Variants in PRICKLE1 observed in about 807,000 individuals in gnomAD.
The protein encoded by PRICKLE1 is prickle-like protein 1.
Under a neutral mutation model 70.2 loss-of-function variants are expected in PRICKLE1, and 14 were observed. That is an observed-to-expected ratio of 0.20 (90% CI 0.13 to 0.31). PRICKLE1 has a LOEUF of 0.31. Ranked by LOEUF, PRICKLE1 falls within the 10% of genes least tolerant of loss-of-function variation. PRICKLE1 has a pLI of 1.00. For missense variants in PRICKLE1, 821 were observed against 1,026.2 expected, an observed-to-expected ratio of 0.80 and a Z score of 2.73; for synonymous variants, 357 against 379.9, an observed-to-expected ratio of 0.94 and a Z score of 0.70.
At chr12:42,588,112 G>A (rs1377360578) in intron 1 of PRICKLE1, among the ~76,000 whole-genome samples, 1 of 152,142 alleles carries the variant, frequency 6.6e-6, no homozygotes, top group East Asian at 1.9e-4. Flanking sequence ...AGTGGGAAAG[G>A]GCCAGTTGTC....
intron 1 of PRICKLE1, among the ~76,000 whole-genome samples, chr12:42,545,350 G>GA (rs1940189358): frequency 6.6e-6 from 1 of 152,070 alleles, no homozygotes; most frequent in Non-Finnish European, 1.5e-5. Context: ...AGTAGGCACT[G>GA]AAAAAAACTT....
At chr12:42,564,353 T>C (rs1466614921) in intron 1 of PRICKLE1, among the ~76,000 whole-genome samples, 4 of 151,190 alleles carry the variant, frequency 2.6e-5, no homozygotes, top group Non-Finnish European at 4.4e-5. Context: ...ACGCCTGTAA[T>C]ACCAGCACTT....
rs769694929 is a variant in PRICKLE1 at position 42,464,268 on chromosome 12, A to T, written c.1639+127T>A. ...ACTCCTGACCTCAAATGATCTGCCC[A>T]CCTCAGCCTCCCATAGTGCTGGAAT... On this transcript the variant is annotated intron_variant, in intron 7 of 7. Coordinates refer to ENST00000345127, the MANE Select transcript of PRICKLE1 (RefSeq NM_153026.3). The surrounding 1 kb of genome is among the most constrained non-coding windows in gnomAD (Gnocchi z 4.2). 1.8e-4 allele frequency: 206 copies of T among 1,173,240 alleles called. No individual in the cohort carries two copies. Among genetic ancestry groups the T allele is most frequent in the Non-Finnish European group, 2.4e-4 (193 of 789,822 alleles). The allele number at this position is 1,173,240 out of a possible 1,614,324, so 72.7% of individuals were successfully genotyped here. A position where few individuals can be genotyped will look rare whatever the true frequency, so the allele number is the denominator to read the frequency against.
intron 1 of PRICKLE1, chr12:42,483,428 C>T (rs1295971470): frequency 6.6e-6 from 1 of 151,944 alleles, no homozygotes; most frequent in East Asian, 1.9e-4. Context: ...CGGCGCCGGC[C>T]CCTGAGCCCT....
chr12:42,513,854 A>G (rs1451423785), intron 1 of PRICKLE1, among the ~76,000 whole-genome samples: 2 of 152,110 alleles, frequency 1.3e-5, no homozygotes, highest in East Asian at 3.9e-4. Flanking sequence ...AAAATTAGCC[A>G]GGCGTGGTGG....
intron 1 of PRICKLE1, among the ~76,000 whole-genome samples, chr12:42,530,111 T>C (rs998297114): frequency 6.6e-6 from 1 of 151,940 alleles, no homozygotes; most frequent in African/African-American, 2.4e-5. Context: ...TCCTGGCTAA[T>C]TTTTGTATTT....
At position 42,530,836 on chromosome 12, in the gene PRICKLE1, GGCACCTGTA is replaced by G. The variant is rs763419851; in HGVS notation, c.-48-58281_-48-58273del. ...CAAGTAGCTGAGATTACAGGTGCCC[GGCACCTGTA>G]AAACATGGTGAAACCCTGTTTCACC... On this transcript the variant is annotated intron_variant, in intron 1 of 7. Coordinates refer to ENST00000345127, the MANE Select transcript of PRICKLE1 (RefSeq NM_153026.3). Among the ~76,000 whole-genome samples, 19 of 150,496 alleles carry G rather than the reference GGCACCTGTA, an allele frequency of 1.3e-4. 1 individual carries two copies. The highest frequency in any genetic ancestry group is 3.5e-3 in the Middle Eastern group (1 of 286).
In PRICKLE1 at chr12:42,465,393, C is replaced by T. The variant is rs538127924; in HGVS notation, c.776-135G>A. 9.0e-5 allele frequency: 71 copies of T among 792,864 alleles called. No individual in the cohort carries two copies. In the East Asian group the frequency reaches 9.6e-4, roughly 11 times the overall value. The allele number at this position is 792,864 out of a possible 1,614,324, so 49.1% of individuals were successfully genotyped here. ...GTGGGTGACACAGATATAATTAATC[C>T]TCATTCTTTGTGGATTCTGTATTTG... On this transcript the variant is annotated intron_variant, in intron 6 of 7. Coordinates refer to ENST00000345127, the MANE Select transcript of PRICKLE1 (RefSeq NM_153026.3).
chr12:42,496,915 C>T (rs1394762875), intron 1 of PRICKLE1, among the ~76,000 whole-genome samples: 2 of 151,924 alleles, frequency 1.3e-5, no homozygotes, highest in Non-Finnish European at 2.9e-5. Flanking sequence ...GTCTGTTTCA[C>T]TTTCTTATAA....
Position 42,540,514 on chromosome 12 carries a change from T to C in PRICKLE1, c.-49+48951A>G, listed in dbSNP as rs369344330. On this transcript the variant is annotated intron_variant, in intron 1 of 7. Coordinates refer to ENST00000345127, the MANE Select transcript of PRICKLE1 (RefSeq NM_153026.3). ...CTTTAAATGAATGCTAATTATTTTTTATTATATCTGAAAGATATTTATCAT... is the reference window on the plus strand; with the variant it reads ...CTTTAAATGAATGCTAATTATTTTTCATTATATCTGAAAGATATTTATCAT... 2.6e-5 allele frequency among the ~76,000 whole-genome samples: 4 copies of C among 152,340 alleles called. No individual in the cohort carries two copies. In the East Asian group the frequency reaches 7.7e-4, roughly 29 times the overall value.
intron 1 of PRICKLE1, among the ~76,000 whole-genome samples, chr12:42,485,847 T>C (rs1938979469): frequency 6.6e-6 from 1 of 152,250 alleles, no homozygotes; most frequent in South Asian, 2.1e-4. Context: ...CGTTTTGTTA[T>C]ATTTTCAACA....
At chr12:42,488,136 T>C (rs937401001) in intron 1 of PRICKLE1, among the ~76,000 whole-genome samples, 1 of 152,076 alleles carries the variant, frequency 6.6e-6, no homozygotes, top group Non-Finnish European at 1.5e-5. Flanking sequence ...CTCCTGACAC[T>C]CTCCCACAAC....
At chr12:42,473,281 G>T (rs898530533) in intron 1 of PRICKLE1, among the ~76,000 whole-genome samples, 3 of 152,166 alleles carry the variant, frequency 2.0e-5, no homozygotes, top group Non-Finnish European at 4.4e-5. Context: ...ATAAAATCCA[G>T]CTTGGTGACT....
Position 42,457,089 on chromosome 12 carries a change from A to C in PRICKLE1, c.*2720T>G, listed in dbSNP as rs1404548625. ...CTACTCCGGAGGCTGAGACAGGAGA[A>C]TTGCTTGAACCCGGGAGGCAGAGGT... On this transcript the variant is annotated 3_prime_UTR_variant, in exon 8 of 8. Transcript: ENST00000345127. The C allele has an allele frequency of 6.6e-6, 1 of 150,414 alleles. No individual in the cohort carries two copies. Among genetic ancestry groups the C allele is most frequent in the Non-Finnish European group, 1.5e-5 (1 of 67,870 alleles). The allele number at this position is 150,414 out of a possible 1,614,324, so 9.3% of individuals were successfully genotyped here. A position where few individuals can be genotyped will look rare whatever the true frequency, so the allele number is the denominator to read the frequency against.
At chr12:42,559,423 CA>C (rs1940462933) in intron 1 of PRICKLE1, among the ~76,000 whole-genome samples, 2 of 151,950 alleles carry the variant, frequency 1.3e-5, no homozygotes, top group Admixed American at 1.3e-4. Flanking sequence ...CTCTGTTGCC[CA>C]GGCTGGAGTG....
At chr12:42,515,131 G>A (rs989428601) in intron 1 of PRICKLE1, among the ~76,000 whole-genome samples, 3 of 151,890 alleles carry the variant, frequency 2.0e-5, no homozygotes, top group African/African-American at 4.8e-5. Flanking sequence ...TGTTGGGCGG[G>A]CTAGTTTCCA....
In PRICKLE1 at chr12:42,469,597, A is replaced by G. The variant is rs1555230748; in HGVS notation, c.247-10T>C. 2.5e-6 allele frequency: 4 copies of G among 1,613,952 alleles called. No individual in the cohort carries two copies. Among genetic ancestry groups the G allele is most frequent in the Non-Finnish European group, 2.5e-6 (3 of 1,180,028 alleles). ...ACTGGCAATACCGTACCTTCACAGA[A>G]AGCAAAACAGAAACACCACACTGAG... On this transcript the variant is annotated splice_polypyrimidine_tract_variant and intron_variant, in intron 3 of 7. Transcript: ENST00000345127.
chr12:42,559,583 T>A (rs1271229533), intron 1 of PRICKLE1, among the ~76,000 whole-genome samples: 1 of 143,880 alleles, frequency 7.0e-6, no homozygotes, highest in Admixed American at 7.5e-5. Context: ...TATATGTGTG[T>A]GTTTATGTGT....
In PRICKLE1 at chr12:42,457,464, A is replaced by G. The variant is rs1937631294; in HGVS notation, c.*2345T>C. 6.6e-6 allele frequency: 1 copy of G among 152,258 alleles called. No homozygotes were observed. The highest frequency in any genetic ancestry group is 1.5e-5 in the Non-Finnish European group (1 of 68,050). The allele number at this position is 152,258 out of a possible 1,614,324, so 9.4% of individuals were successfully genotyped here. The stretch of plus-strand genomic sequence containing the variant: ...TTTCTTCAAAATCAAGAAATCTGCT[A>G]ATACATTGAGAGGTTGTGATGGAAC... On this transcript the variant is annotated 3_prime_UTR_variant, in exon 8 of 8. Coordinates refer to ENST00000345127, the MANE Select transcript of PRICKLE1 (RefSeq NM_153026.3).
Sources: gnomAD v4.1 joint callset for allele counts (sites outside exome capture counted in the v4.1 genomes callset) on GRCh38, gnomAD v4.1.1 for gene constraint, Gnocchi (gnomAD v3.1) non-coding constraint, MANE v1.5 for transcripts, NCBI Gene and HGNC (gene_info 2026-07-23, HGNC 2026-07-21) for gene names.